Variants in AUTS2 observed in about 807,000 individuals in gnomAD.
AUTS2 encodes activator of transcription and developmental regulator AUTS2.
AUTS2 carries 17 observed loss-of-function variants against 112.4 expected under a neutral mutation model. The ratio of observed to expected loss-of-function variants is 0.15; its 90% CI spans 0.10 to 0.23. AUTS2 has a LOEUF of 0.23. AUTS2 is among the 10% of genes least tolerant of loss of function. AUTS2 has a pLI of 1.00. For missense variants in AUTS2, 1,510 were observed against 1,701.6 expected (o/e 0.89, Z 1.98); for synonymous variants, 751 against 702.7 (o/e 1.07, Z -1.09).
chr7:69,859,586 T>C (rs1293828127), intron 1 of AUTS2, among the ~76,000 whole-genome samples: 1 of 152,196 alleles, frequency 6.6e-6, no homozygotes, highest in Non-Finnish European at 1.5e-5. Context: ...CCCTAATCTC[T>C]TGTGGATGTT....
intron 3 of AUTS2, chr7:70,119,423 G>A (rs910777029): frequency 5.3e-5 from 8 of 150,470 alleles, no homozygotes; most frequent in Admixed American, 4.6e-4. Flanking sequence ...GGAGTGCAGT[G>A]GCCTGATCTC....
intron 4 of AUTS2, among the ~76,000 whole-genome samples, chr7:70,139,040 A>G (rs1806715087): frequency 6.6e-6 from 1 of 152,110 alleles, no homozygotes; most frequent in African/African-American, 2.4e-5. Flanking sequence ...GTCACAGCTC[A>G]CTGCAGCCTC....
chr7:69,844,047 C>T (rs547842586), intron 1 of AUTS2, among the ~76,000 whole-genome samples: 1 of 152,188 alleles, frequency 6.6e-6, no homozygotes, highest in African/African-American at 2.4e-5. Context: ...AGCCAATCCT[C>T]GTTACTCTGC....
chr7:70,753,570 G>A (rs1317976710), intron 6 of AUTS2, among the ~76,000 whole-genome samples: 1 of 152,200 alleles, frequency 6.6e-6, no homozygotes, highest in Admixed American at 6.5e-5. Context: ...ATTCGTTCAA[G>A]TAATTGAATC....
chr7:70,742,573 A>C (rs1247183538), intron 6 of AUTS2, among the ~76,000 whole-genome samples: 1 of 151,750 alleles, frequency 6.6e-6, no homozygotes, highest in African/African-American at 2.4e-5. Flanking sequence ...GACCAGCCTG[A>C]CCAACATGGA....
At chr7:70,712,098 C>T (rs896063463) in intron 6 of AUTS2, among the ~76,000 whole-genome samples, 2 of 150,528 alleles carry the variant, frequency 1.3e-5, no homozygotes, top group Non-Finnish European at 3.0e-5. Flanking sequence ...AATCTCGGCT[C>T]GCTGCAACCT....
At chr7:70,339,898 A>G (rs1436443719) in intron 4 of AUTS2, among the ~76,000 whole-genome samples, 1 of 152,190 alleles carries the variant, frequency 6.6e-6, no homozygotes, top group Non-Finnish European at 1.5e-5. Flanking sequence ...AAAAAAGTTC[A>G]GGCAAAATAC....
intron 4 of AUTS2, among the ~76,000 whole-genome samples, chr7:70,311,660 G>T (rs12698893): frequency 2.0e-5 from 3 of 152,006 alleles, no homozygotes; most frequent in Admixed American, 2.0e-4. Context: ...GCATTCAAGC[G>T]ATTCTTGTGC....
chr7:70,716,788 G>A (rs1277506918), intron 6 of AUTS2, among the ~76,000 whole-genome samples: 1 of 152,048 alleles, frequency 6.6e-6, no homozygotes, highest in African/African-American at 2.4e-5. Context: ...GTTCAGTATA[G>A]CACCATGGGC....
intron 1 of AUTS2, among the ~76,000 whole-genome samples, chr7:69,812,336 T>C (rs1251237361): frequency 6.6e-6 from 1 of 152,192 alleles, no homozygotes; most frequent in Non-Finnish European, 1.5e-5. Flanking sequence ...TTCTTGCTAT[T>C]GGCAAGATGG....
rs190536092 is a variant in AUTS2 at position 69,778,858 on chromosome 7, G to A, written c.310-120428G>A. ...ACCACATTCTCTTTTTCCTGATATA[G>A]ATGAGCTTGTGTTTATCCTAACAAG... is the stretch of plus-strand genomic sequence containing the variant. On this transcript the variant is annotated intron_variant, in intron 1 of 18. Transcript: ENST00000342771. 2.4e-3 allele frequency among the ~76,000 whole-genome samples: 365 copies of A among 152,048 alleles called. 2 individuals are homozygous for A. The highest frequency in any genetic ancestry group is 8.3e-3 in the African/African-American group (346 of 41,458).
At chr7:69,958,856 C>T (rs1797320362) in intron 2 of AUTS2, among the ~76,000 whole-genome samples, 1 of 152,088 alleles carries the variant, frequency 6.6e-6, no homozygotes, top group South Asian at 2.1e-4. Flanking sequence ...TTTGTGGTTG[C>T]CTGCCTCTTT....
At chr7:69,732,453 A>C (rs1465351035) in intron 1 of AUTS2, among the ~76,000 whole-genome samples, 1 of 152,100 alleles carries the variant, frequency 6.6e-6, no homozygotes. Flanking sequence ...GCCACTAAGC[A>C]AACAATGGAG....
intron 1 of AUTS2, among the ~76,000 whole-genome samples, chr7:69,808,048 A>T (rs1790387031): frequency 6.7e-6 from 1 of 148,304 alleles, no homozygotes; most frequent in Admixed American, 7.0e-5. Context: ...CAGCCTCCGG[A>T]TCCTGAGTAG....
intron 5 of AUTS2, among the ~76,000 whole-genome samples, chr7:70,621,098 A>C (rs1242656917): frequency 6.6e-6 from 1 of 152,228 alleles, no homozygotes; most frequent in East Asian, 1.9e-4. Context: ...TTGGAAAAAC[A>C]AGGGAAAAGC....
chr7:69,711,268 A>T (rs1000103133), intron 1 of AUTS2, among the ~76,000 whole-genome samples: 4 of 152,188 alleles, frequency 2.6e-5, no homozygotes, highest in Admixed American at 2.6e-4. Flanking sequence ...GAATGAGCTC[A>T]TTAACATTTA....
chr7:70,273,831 G>T (rs1023970841), intron 4 of AUTS2, among the ~76,000 whole-genome samples: 2 of 152,076 alleles, frequency 1.3e-5, no homozygotes, highest in African/African-American at 4.8e-5. Context: ...CATGTAAGTG[G>T]ATCAAAACCC....
intron 1 of AUTS2, among the ~76,000 whole-genome samples, chr7:69,613,092 G>A (rs1287166993): frequency 6.6e-6 from 1 of 152,198 alleles, no homozygotes; most frequent in East Asian, 1.9e-4. Context: ...GCACAGAGCC[G>A]TTAAATCAAC....
intron 1 of AUTS2, among the ~76,000 whole-genome samples, chr7:69,820,325 G>A (rs1277959216): frequency 6.6e-6 from 1 of 152,242 alleles, no homozygotes; most frequent in Non-Finnish European, 1.5e-5. Flanking sequence ...GTTGGGGAAG[G>A]AGAAGTTTAG....
Sources: allele counts gnomAD v4.1 joint callset (sites outside exome capture counted in the v4.1 genomes callset), GRCh38; gene constraint gnomAD v4.1.1; transcripts MANE v1.5; gene names NCBI Gene and HGNC (gene_info 2026-07-23, HGNC 2026-07-21).